Variants in GNG7 observed in about 807,000 individuals in gnomAD.
The protein encoded by GNG7 is G protein subunit gamma 7.
In GNG7, 1 loss-of-function variant was observed where a neutral mutation model predicts 4.0. The ratio of observed to expected loss-of-function variants is 0.25; its 90% CI spans 0.09 to 1.18. GNG7 has a LOEUF of 1.18. Ranked by LOEUF, GNG7 falls within the 50% of genes most tolerant of loss-of-function variation. The pLI, the probability that GNG7 is intolerant of heterozygous loss-of-function variation, is 0.50. For synonymous variants in GNG7, 34 were observed against 36.9 expected (o/e 0.92, Z 0.29); for missense variants, 86 against 91.9 (o/e 0.94, Z 0.26).
chr19:2,602,864 C>T (rs1981243847), intron 2 of GNG7, among the ~76,000 whole-genome samples: 1 of 152,022 alleles, frequency 6.6e-6, no homozygotes, highest in African/African-American at 2.4e-5. Context: ...ATGCGCTACC[C>T]ACCCTTTTCT....
At chr19:2,671,340 C>T (rs569778752) in intron 1 of GNG7, among the ~76,000 whole-genome samples, 9 of 152,216 alleles carry the variant, frequency 5.9e-5, no homozygotes, top group South Asian at 2.1e-4. Context: ...ACCCCGGATC[C>T]CCCTGGACAC....
chr19:2,593,993 ATACTT>A (rs1980931342), intron 2 of GNG7, among the ~76,000 whole-genome samples: 1 of 151,500 alleles, frequency 6.6e-6, no homozygotes, highest in Admixed American at 6.6e-5. Flanking sequence ...ATTAAATACT[ATACTT>A]TAAAACAAAC....
At chr19:2,666,854 C>T (rs921742508) in intron 1 of GNG7, among the ~76,000 whole-genome samples, 4 of 152,194 alleles carry the variant, frequency 2.6e-5, no homozygotes, top group Admixed American at 2.6e-4. Flanking sequence ...TTGGTTGAGA[C>T]CCTCGCAAAA....
In GNG7 at chr19:2,578,971, C is replaced by T. The variant is rs1980421431; in HGVS notation, c.-77-23783G>A. On this transcript the variant is annotated intron_variant, in intron 2 of 4. Coordinates refer to ENST00000382159, the MANE Select transcript of GNG7 (RefSeq NM_052847.3). ...GGAAAACCACCAGCGTGGCCCGGCG[C>T]CAGACCTGCTTGTCTGTCGCTTGTC... 3.3e-5 allele frequency among the ~76,000 whole-genome samples: 5 copies of T among 152,108 alleles called. No homozygotes were observed. In the South Asian group the frequency reaches 8.3e-4, roughly 25 times the overall value.
rs1040964120 is a variant in GNG7, at chr19:2,557,018, CACACACGCACACACAG to C, written c.-77-1846_-77-1831del. On this transcript the variant is annotated intron_variant, in intron 2 of 4. Coordinates refer to ENST00000382159, the MANE Select transcript of GNG7 (RefSeq NM_052847.3). The surrounding 1 kb of genome is among the most constrained non-coding windows in gnomAD (Gnocchi z 5.1). The stretch of plus-strand genomic sequence containing the variant: ...CTGCCTCCCCTCCCACCTCTACACA[CACACACGCACACACAG>C]ACACACGCACACTCACACACATATG... Among the ~76,000 whole-genome samples the C allele has an allele frequency of 3.8e-3, 390 of 102,018 alleles. 4 individuals carry two copies. The highest frequency in any genetic ancestry group is 0.012 in the African/African-American group (350 of 28,044). 66.9% of individuals were successfully genotyped at this position (102,018 alleles called of 152,430 possible). A position where few individuals can be genotyped will look rare whatever the true frequency, so the allele number is the denominator to read the frequency against.
chr19:2,583,914 A>G (rs1980570773), intron 2 of GNG7, among the ~76,000 whole-genome samples: 1 of 152,146 alleles, frequency 6.6e-6, no homozygotes, highest in Admixed American at 6.6e-5. Context: ...AAACAGATTA[A>G]AGAACAGTAT....
intron 3 of GNG7, among the ~76,000 whole-genome samples, chr19:2,536,374 C>T (rs1978737173): frequency 6.6e-6 from 1 of 151,148 alleles, no homozygotes. Flanking sequence ...GCCGAGATTG[C>T]ACCATTGCAC....
At chr19:2,629,535 G>C (rs546601841) in intron 2 of GNG7, among the ~76,000 whole-genome samples, 11 of 152,188 alleles carry the variant, frequency 7.2e-5, no homozygotes, top group Non-Finnish European at 1.6e-4. Context: ...AACACACCTA[G>C]TGCCACCCCC....
chr19:2,682,970 C>T (rs1049480904), intron 1 of GNG7, among the ~76,000 whole-genome samples: 3 of 152,004 alleles, frequency 2.0e-5, no homozygotes, highest in African/African-American at 4.8e-5. Context: ...CGGTGGCTCA[C>T]GCCTGTAATC....
intron 2 of GNG7, among the ~76,000 whole-genome samples, chr19:2,644,146 A>G (rs1982594654): frequency 6.6e-6 from 1 of 151,340 alleles, no homozygotes. Context: ...TCAGCCCCCC[A>G]AGTAGCTGGG....
intron 1 of GNG7, among the ~76,000 whole-genome samples, chr19:2,647,375 G>A (rs534551293): frequency 1.3e-5 from 2 of 152,258 alleles, no homozygotes; most frequent in African/African-American, 2.4e-5. Context: ...CTGGAAGCTG[G>A]GCCTAGAAGC....
intron 3 of GNG7, among the ~76,000 whole-genome samples, chr19:2,528,615 C>G (rs1409780130): frequency 6.6e-6 from 1 of 152,128 alleles, no homozygotes; most frequent in Non-Finnish European, 1.5e-5. Flanking sequence ...AGTCTTCCCC[C>G]AGATGTGAGC....
intron 2 of GNG7, among the ~76,000 whole-genome samples, chr19:2,587,285 AC>A (rs1264598767): frequency 6.6e-6 from 1 of 151,520 alleles, no homozygotes; most frequent in African/African-American, 2.4e-5. Context: ...CCAGGTGCAG[AC>A]CCAGGGGTCT....
intron 1 of GNG7, among the ~76,000 whole-genome samples, chr19:2,651,274 C>T (rs111602850): frequency 0.015 from 1,258 of 85,196 alleles, 31 homozygotes; most frequent in African/African-American, 0.046. Flanking sequence ...CCTTCCTTCC[C>T]TCCCTCCCTC....
chr19:2,663,637 CTGAT>C (rs376924752), intron 1 of GNG7, among the ~76,000 whole-genome samples: 19 of 152,256 alleles, frequency 1.2e-4, no homozygotes, highest in Middle Eastern at 3.4e-3. Context: ...ATCTATCAAC[CTGAT>C]AATTGGGAGA....
Position 2,634,731 on chromosome 19 carries a change from G to A in GNG7, c.-78+11493C>T, listed in dbSNP as rs78893342. ...GTCCGCGAAAAGAACTGATAATAACGTGAATTTCAACACGACCAGGACATG... is the reference window on the plus strand; with the variant it reads ...GTCCGCGAAAAGAACTGATAATAACATGAATTTCAACACGACCAGGACATG... On this transcript the variant is annotated intron_variant, in intron 2 of 4. Transcript: ENST00000382159. The surrounding 1 kb of genome is among the most constrained non-coding windows in gnomAD (Gnocchi z 5.3). Among the ~76,000 whole-genome samples, 1 of 152,108 alleles carries A rather than the reference G, an allele frequency of 6.6e-6. No homozygotes were observed. The highest frequency in any genetic ancestry group is 6.5e-5 in the Admixed American group (1 of 15,268).
In GNG7 at chr19:2,653,258, C is replaced by T. The variant is rs1010913098; in HGVS notation, c.-134-6978G>A. On this transcript the variant is annotated intron_variant, in intron 1 of 4. Transcript: ENST00000382159. The surrounding 1 kb of genome is among the most constrained non-coding windows in gnomAD (Gnocchi z 4.8). ...GATAGATTTTATAGCCCAGTATCTC[C>T]AAGCAGCGCCCAAGGACACAAACAG... Among the ~76,000 whole-genome samples the T allele has an allele frequency of 6.6e-6, 1 of 152,214 alleles. No individual in the cohort carries two copies. Among genetic ancestry groups the T allele is most frequent in the African/African-American group, 2.4e-5 (1 of 41,452 alleles).
chr19:2,661,269 GAAAA>G (rs1180680523), intron 1 of GNG7, among the ~76,000 whole-genome samples: 10 of 40,930 alleles, frequency 2.4e-4, no homozygotes, highest in Admixed American at 1.7e-3. Context: ...AAGAAAGAAA[GAAAA>G]GAAAGAAAGA....
At chr19:2,521,533 C>G (rs906037614) in intron 3 of GNG7, among the ~76,000 whole-genome samples, 1 of 151,456 alleles carries the variant, frequency 6.6e-6, no homozygotes, top group Non-Finnish European at 1.5e-5. Context: ...GATCCGAACG[C>G]GATATCCATA....
Sources: allele counts gnomAD v4.1 joint callset (sites outside exome capture counted in the v4.1 genomes callset), GRCh38; gene constraint gnomAD v4.1.1; non-coding constraint Gnocchi (gnomAD v3.1); transcripts MANE v1.5; gene names NCBI Gene and HGNC (gene_info 2026-07-23, HGNC 2026-07-21).